TRIM9: variants seen among roughly 807,000 people sequenced by gnomAD.
The protein encoded by TRIM9 is E3 ubiquitin-protein ligase TRIM9.
A neutral mutation model predicts 78.3 loss-of-function variants in TRIM9; 26 were observed. That is an observed-to-expected ratio of 0.33 (90% CI 0.24 to 0.46). TRIM9 has a LOEUF of 0.46. Ranked by LOEUF, TRIM9 falls within the 20% of genes least tolerant of loss-of-function variation. The pLI is 1.00. For missense variants in TRIM9, 787 were observed against 1,036.4 expected (o/e 0.76, Z 3.30); for synonymous variants, 398 against 416.5 (o/e 0.96, Z 0.54).
At chr14:51,007,678 T>C (rs1290528505) in intron 5 of TRIM9, among the ~76,000 whole-genome samples, 1 of 152,174 alleles carries the variant, frequency 6.6e-6, no homozygotes, top group Non-Finnish European at 1.5e-5. Context: ...GAATGTCTGG[T>C]TTGGTTAGCA....
intron 4 of TRIM9, 69 bp downstream of exon 4, chr14:51,010,315 G>T: frequency 7.6e-7 from 1 of 1,322,814 alleles, no homozygotes; most frequent in Non-Finnish European, 1.1e-6. Context: ...TTGGAAGTCT[G>T]ACTTAAGCAT....
intron 1 of TRIM9, among the ~76,000 whole-genome samples, chr14:51,054,899 G>A (rs2060772699): frequency 6.7e-6 from 1 of 149,490 alleles, no homozygotes; most frequent in Non-Finnish European, 1.5e-5. Flanking sequence ...GTGCTATCTT[G>A]GCTCACTGCA....
intron 7 of TRIM9, among the ~76,000 whole-genome samples, chr14:50,995,043 G>C (rs1415167935): frequency 1.3e-5 from 2 of 151,138 alleles, no homozygotes. Context: ...TTTAAGATGG[G>C]GTCTCACTAT....
At chr14:51,042,450 A>C (rs2059644936) in intron 1 of TRIM9, among the ~76,000 whole-genome samples, 1 of 152,236 alleles carries the variant, frequency 6.6e-6, no homozygotes. Context: ...TTAAAATTTT[A>C]GCTAAACCAA....
At chr14:51,049,488 G>C (rs887134647) in intron 1 of TRIM9, among the ~76,000 whole-genome samples, 8 of 152,068 alleles carry the variant, frequency 5.3e-5, no homozygotes, top group African/African-American at 1.7e-4. Context: ...CCATTTGTTT[G>C]TTCATTCCTT....
chr14:51,029,569 A>G (rs1177032968), intron 1 of TRIM9, among the ~76,000 whole-genome samples: 1 of 152,262 alleles, frequency 6.6e-6, no homozygotes, highest in African/African-American at 2.4e-5. Flanking sequence ...CACATTGCTC[A>G]GCAATTACCC....
Position 51,000,521 on chromosome 14 carries a change from C to T in TRIM9, c.1464+162G>A, listed in dbSNP as rs779094451. On this transcript the variant is annotated intron_variant, in intron 6 of 12. Coordinates refer to ENST00000684578, the MANE Select transcript of TRIM9 (RefSeq NM_001387360.1). Reference sequence around the variant, plus strand: ...TCAGAGACTGCTCCATCCACCTTCACGGTAGAGGGAGAAAGCAGGCTTCAG... The same window carrying T: ...TCAGAGACTGCTCCATCCACCTTCATGGTAGAGGGAGAAAGCAGGCTTCAG... Among the ~76,000 whole-genome samples the T allele has an allele frequency of 3.9e-5, 6 of 152,190 alleles. No homozygotes were observed. In the South Asian group the frequency reaches 8.3e-4, roughly 21 times the overall value.
chr14:51,009,098 C>A lies in TRIM9; in HGVS notation c.1288G>T (p.Asp430Tyr). 6.2e-7 allele frequency: 1 copy of A among 1,613,954 alleles called. No individual in the cohort carries two copies. Among genetic ancestry groups the A allele is most frequent in the Non-Finnish European group, 8.5e-7 (1 of 1,179,884 alleles). Residue 430 changes from aspartate (D) to tyrosine (Y), a missense_variant, in exon 5 of 13, where the codon GAT becomes TAT. By Grantham distance (160) the Asp-to-Tyr change is radical. This residue lies in a region of TRIM9 where 421 missense variants were observed against 514.3 expected (regional missense o/e 0.82). Coordinates refer to ENST00000684578, the MANE Select transcript of TRIM9 (RefSeq NM_001387360.1). ...GACATACCTTTCACTTGCACGAAAT[C>A]CAGCTGGTGGATGGATTGCAGCAGA... Reference protein sequence around the residue: ...SPLLQSIHQLDFVQVKASSPV... With the variant: ...SPLLQSIHQLYFVQVKASSPV...
chr14:50,984,712 T>C (rs1312818694), intron 8 of TRIM9, among the ~76,000 whole-genome samples: 2 of 152,340 alleles, frequency 1.3e-5, no homozygotes, highest in East Asian at 3.9e-4. Context: ...AAATACATTA[T>C]CATACATTTA....
At chr14:51,088,647 TA>T (rs533139244) in intron 1 of TRIM9, among the ~76,000 whole-genome samples, 3,516 of 135,982 alleles carry the variant, frequency 0.026, 41 homozygotes, top group South Asian at 0.06. Flanking sequence ...TTCGAGTTGG[TA>T]AAAAAAAAAA....
At chr14:51,008,395 A>T (rs1304428789) in intron 5 of TRIM9, among the ~76,000 whole-genome samples, 1 of 152,252 alleles carries the variant, frequency 6.6e-6, no homozygotes, top group East Asian at 1.9e-4. Flanking sequence ...GTGTATTTCA[A>T]AAGAAACAGT....
At chr14:50,982,793 C>T (rs531477882) in intron 10 of TRIM9, 149 bp downstream of exon 10, 1 of 701,308 alleles carries the variant, frequency 1.4e-6, no homozygotes, top group Non-Finnish European at 2.4e-6. Context: ...AGAATGATGT[C>T]TTTGTACGCA....
intron 4 of TRIM9, 136 bp from the exon 5 acceptor site, chr14:51,009,369 G>C: frequency 9.7e-7 from 1 of 1,027,806 alleles, no homozygotes; most frequent in South Asian, 1.6e-5. Flanking sequence ...AGTGCTGTTG[G>C]TGAGGAACAC....
intron 1 of TRIM9, among the ~76,000 whole-genome samples, chr14:51,091,952 C>A (rs145099792): frequency 6.6e-6 from 1 of 152,156 alleles, no homozygotes; most frequent in African/African-American, 2.4e-5. Flanking sequence ...TTAAAGGTTT[C>A]TTTTGGTCTT....
At chr14:51,016,658 G>T (rs1206957964) in intron 3 of TRIM9, among the ~76,000 whole-genome samples, 2 of 152,106 alleles carry the variant, frequency 1.3e-5, no homozygotes, top group African/African-American at 4.8e-5. Flanking sequence ...AGCATCTGTG[G>T]ATTTTGGTAT....
chr14:50,996,382 T>G, intron 7 of TRIM9: 1 of 985,424 alleles, frequency 1.0e-6, no homozygotes, highest in Non-Finnish European at 1.2e-6. Flanking sequence ...TAAAATAAAC[T>G]GAGGCGCTAC....
chr14:51,012,223 C>T (rs2056665969), intron 3 of TRIM9, among the ~76,000 whole-genome samples: 1 of 152,204 alleles, frequency 6.6e-6, no homozygotes, highest in Non-Finnish European at 1.5e-5. Context: ...CATTAAACAA[C>T]ATCCCCATTT....
At position 51,094,627 on chromosome 14, in the gene TRIM9, C is replaced by A. The variant is rs1322866855; in HGVS notation, c.313G>T (p.Ala105Ser). The A allele has an allele frequency of 6.2e-7, 1 of 1,607,406 alleles. No homozygotes were observed. Among genetic ancestry groups the A allele is most frequent in the Non-Finnish European group, 8.5e-7 (1 of 1,176,036 alleles). Residue 105 changes from alanine (A) to serine (S), a missense_variant, in exon 1 of 13, where the codon GCT (alanine) becomes TCT (serine). Around this residue, in one of 3 missense-constraint regions of TRIM9, gnomAD observed 352 missense variants for 472.3 expected, o/e 0.75. Coordinates refer to ENST00000684578, the MANE Select transcript of TRIM9 (RefSeq NM_001387360.1). ...AAGTGGGTGGCCGGTGGCGGCATAG[C>A]CGGGGGAAACACGCGGACGCCGTTG... ...SPNGVRVFPP[A>S]MPPPATHLSP... is the part of the protein sequence containing the mutation.
At chr14:51,032,714 T>C (rs1376729542) in intron 1 of TRIM9, among the ~76,000 whole-genome samples, 2 of 152,214 alleles carry the variant, frequency 1.3e-5, no homozygotes. Flanking sequence ...AAGCTTCAGT[T>C]TCCTCATCTG....
Sources: gnomAD v4.1 joint callset for allele counts (sites outside exome capture counted in the v4.1 genomes callset) on GRCh38, gnomAD v4.1.1 for gene constraint, gnomAD v4.1.1 regional missense constraint, MANE v1.5 for transcripts, NCBI Gene and HGNC (gene_info 2026-07-23, HGNC 2026-07-21) for gene names.